The following CCDC9 variants were observed in gnomAD, a reference collection of about 807,000 sequenced individuals.
The protein encoded by CCDC9 is coiled-coil domain containing 9.
CCDC9 carries 52 observed loss-of-function variants against 65.6 expected under a neutral mutation model. The ratio of observed to expected loss-of-function variants is 0.79; its 90% confidence interval spans 0.63 to 1.00. The LOEUF (loss-of-function observed/expected upper bound fraction) is 1.00. Ranked by LOEUF, CCDC9 falls within the 50% of genes least tolerant of loss-of-function variation. CCDC9 has a pLI of 0.00. For synonymous variants in CCDC9, 332 were observed against 280.3 expected, an observed-to-expected ratio of 1.18 and a Z score of -1.84; for missense variants, 834 against 757.2, an observed-to-expected ratio of 1.10 and a Z score of -1.19.
At chr19:47,263,357 C>T (rs539618089) in intron 5 of CCDC9, among the ~76,000 whole-genome samples, 82 of 152,068 alleles carry the variant, frequency 5.4e-4, no homozygotes, top group African/African-American at 1.8e-3. Context: ...CAGCAGGGGG[C>T]GGGGTACCTG....
At chr19:47,273,260 T>C (rs1397291342), downstream of CCDC9, 3 of 694,182 alleles carry the variant, frequency 4.3e-6, no homozygotes, top group Non-Finnish European at 3.9e-6. Context: ...GGGCTCGAAC[T>C]GGATGAGAGA....
downstream of CCDC9, chr19:47,275,168 G>A (rs1352049974): frequency 6.8e-7 from 1 of 1,467,140 alleles, no homozygotes. Context: ...CGGGCGTGCC[G>A]CCTGTCCCGG....
Position 47,258,559 on chromosome 19 carries a change from G to A in CCDC9, c.4G>A (p.Ala2Thr), listed in dbSNP as rs757211911. The A allele has an allele frequency of 1.2e-6, 2 of 1,613,798 alleles. No homozygotes were observed. Among genetic ancestry groups the A allele is most frequent in the Non-Finnish European group, 1.7e-6 (2 of 1,179,706 alleles). Residue 2 changes from alanine to threonine, a missense_variant and splice_region_variant, in exon 3 of 12, where the codon GCA (alanine) becomes ACA (threonine). Coordinates refer to ENST00000221922, the MANE Select transcript of CCDC9 (RefSeq NM_015603.3). Reference sequence around the variant, plus strand: ...TCCCTCAACTGCCTCCCGGTCTCAGGCAGCCACACTCGATTTGAAATCAAA... The same window carrying A: ...TCCCTCAACTGCCTCCCGGTCTCAGACAGCCACACTCGATTTGAAATCAAA... M[A>T]ATLDLKSKEE...
At chr19:47,272,009 T>C (rs1387087791), downstream of CCDC9, 49 of 1,238,168 alleles carry the variant, frequency 4.0e-5, no homozygotes, top group Non-Finnish European at 4.7e-5. Flanking sequence ...GGGCCTTCTC[T>C]CTTGGGGTGG....
chr19:47,261,213 C>T (rs954673278), intron 5 of CCDC9, among the ~76,000 whole-genome samples: 3 of 152,052 alleles, frequency 2.0e-5, no homozygotes, highest in African/African-American at 7.2e-5. Context: ...TGCATGCTTG[C>T]CCACTCATCC....
chr19:47,275,114 C>T (rs954662532), downstream of CCDC9: 69 of 1,492,630 alleles, frequency 4.6e-5, no homozygotes, highest in East Asian at 8.6e-5. Context: ...CGGCACCCGC[C>T]GGCCCACAGC....
chr19:47,272,249 G>A (rs2059128782), downstream of CCDC9: 1 of 873,648 alleles, frequency 1.1e-6, no homozygotes, highest in African/African-American at 1.7e-5. Context: ...GGAGTGGGGT[G>A]AATGTGTGTA....
chr19:47,270,367 G>T (rs758747507), intron 8 of CCDC9, 40 bp from the exon 9 acceptor site: 1 of 1,606,916 alleles, frequency 6.2e-7, no homozygotes, highest in East Asian at 2.2e-5. Flanking sequence ...TTGTTACCCT[G>T]TTCCCCCAGC....
chr19:47,275,432 C>T (rs1015271830), downstream of CCDC9: 154 of 1,446,226 alleles, frequency 1.1e-4, no homozygotes, highest in Admixed American at 1.2e-3. Context: ...TGGATTGGTC[C>T]GGCCTTCTTC....
Position 47,271,759 on chromosome 19 carries a change from G to T in CCDC9, c.*81G>T, listed in dbSNP as rs1225717310. ...CGCGCGCGCGCGCGCGCGCGCGCGCGCTAGAGGGGTGTGGCTGGTGGGGGA... is the reference window on the plus strand; with the variant it reads ...CGCGCGCGCGCGCGCGCGCGCGCGCTCTAGAGGGGTGTGGCTGGTGGGGGA... On this transcript the variant is annotated 3_prime_UTR_variant, in exon 12 of 12. Coordinates refer to ENST00000221922, the MANE Select transcript of CCDC9 (RefSeq NM_015603.3). 23 of 1,386,874 alleles carry T rather than the reference G, an allele frequency of 1.7e-5. No individual in the cohort carries two copies. The highest frequency in any genetic ancestry group is 1.1e-4 in the Admixed American group (4 of 36,590). The allele number at this position is 1,386,874 out of a possible 1,614,324, so 85.9% of individuals were successfully genotyped here.
intron 3 of CCDC9, among the ~76,000 whole-genome samples, chr19:47,259,476 C>T (rs1444777821): frequency 6.6e-6 from 1 of 152,006 alleles, no homozygotes; most frequent in Non-Finnish European, 1.5e-5. Flanking sequence ...GAGGAGGTAC[C>T]TGGCTCAGGG....
intron 4 of CCDC9, 69 bp downstream of exon 4, chr19:47,260,491 G>A: frequency 6.2e-7 from 1 of 1,603,296 alleles, no homozygotes; most frequent in Non-Finnish European, 8.5e-7. Flanking sequence ...CTGGGACCCA[G>A]GAGCCCCCAG....
At chr19:47,258,442 G>A in intron 2 of CCDC9, 39 bp downstream of exon 2, 1 of 1,613,786 alleles carries the variant, frequency 6.2e-7, no homozygotes, top group Non-Finnish European at 8.5e-7. Flanking sequence ...TCTGAGTTTT[G>A]GGGAAGGGGG....
intron 8 of CCDC9, 78 bp downstream of exon 8, chr19:47,266,870 G>A (rs2059085889): frequency 2.5e-5 from 37 of 1,503,456 alleles, no homozygotes; most frequent in Non-Finnish European, 3.2e-5. Flanking sequence ...GCCTCTCTCT[G>A]GTTTTTCCTG....
At chr19:47,261,391 C>T (rs2059044777) in intron 5 of CCDC9, among the ~76,000 whole-genome samples, 2 of 152,124 alleles carry the variant, frequency 1.3e-5, no homozygotes, top group Admixed American at 6.6e-5. Context: ...AACTACCTCA[C>T]TCACCCCTGA....
intron 5 of CCDC9, among the ~76,000 whole-genome samples, chr19:47,261,573 G>A (rs923610744): frequency 1.3e-5 from 2 of 151,964 alleles, no homozygotes; most frequent in African/African-American, 2.4e-5. Flanking sequence ...TTAGCTGGAC[G>A]TGGTGGTGGG....
chr19:47,270,732 C>A, intron 10 of CCDC9, 44 bp downstream of exon 10: 1 of 1,558,456 alleles, frequency 6.4e-7, no homozygotes, highest in Non-Finnish European at 8.7e-7. Context: ...CAGGGCTCTC[C>A]GCAGGGCGTT....
chr19:47,271,689 C>CTG lies in CCDC9; in HGVS notation c.*54_*55dup, dbSNP rs746173971. The CTG allele has an allele frequency of 5.1e-3, 5,730 of 1,122,788 alleles. 18 individuals carry two copies. Among genetic ancestry groups the CTG allele is most frequent in the Non-Finnish European group, 5.4e-3 (4,311 of 800,722 alleles). The allele number at this position is 1,122,788 out of a possible 1,614,324, so 69.6% of individuals were successfully genotyped here. Reference sequence around the variant, plus strand: ...TTTGAGAGTGTATGAAGCTGGCTGCCTGTGTGTGTGTGTGTGTGTGTGTGT... The same window carrying CTG: ...TTTGAGAGTGTATGAAGCTGGCTGCCTGTGTGTGTGTGTGTGTGTGTGTGTGT... On this transcript the variant is annotated 3_prime_UTR_variant, in exon 12 of 12. Coordinates refer to ENST00000221922, the MANE Select transcript of CCDC9 (RefSeq NM_015603.3).
intron 5 of CCDC9, among the ~76,000 whole-genome samples, chr19:47,261,774 A>C (rs1262062205): frequency 2.0e-5 from 3 of 150,652 alleles, no homozygotes; most frequent in African/African-American, 7.3e-5. Flanking sequence ...TAATCCCAGC[A>C]CTTTGGGAGG....
Sources: gnomAD v4.1 joint callset for allele counts (sites outside exome capture counted in the v4.1 genomes callset) on GRCh38, gnomAD v4.1.1 for gene constraint, MANE v1.5 for transcripts, NCBI Gene and HGNC (gene_info 2026-07-23, HGNC 2026-07-21) for gene names.